Variants in KCNK2 observed in about 807,000 individuals in gnomAD.
KCNK2 encodes potassium channel subfamily K member 2.
In KCNK2, 21 loss-of-function variants were observed where a neutral mutation model predicts 40.5. The ratio of observed to expected loss-of-function variants is 0.52; its 90% CI spans 0.37 to 0.75. The LOEUF is 0.75. KCNK2 is among the 30% of genes least tolerant of loss of function. KCNK2 has a pLI of 0.00. For missense variants in KCNK2, 399 were observed against 531.6 expected, an observed-to-expected ratio of 0.75 and a Z score of 2.45; for synonymous variants, 191 against 202.2, an observed-to-expected ratio of 0.94 and a Z score of 0.47.
chr1:215,235,146 C>T lies in KCNK2; in HGVS notation c.*1C>T. The T allele has an allele frequency of 6.3e-7, 1 of 1,591,106 alleles. No individual in the cohort carries two copies. Among genetic ancestry groups the T allele is most frequent in the Non-Finnish European group, 8.6e-7 (1 of 1,162,300 alleles). On this transcript the variant is annotated 3_prime_UTR_variant, in exon 7 of 7. Transcript: ENST00000444842. The stretch of plus-strand genomic sequence containing the variant: ...TGCTGTGATTGAGAACATCAAATAG[C>T]CCTCTCTTTAAATAACCTTAGGCAT...
At chr1:215,046,160 G>A (rs1657760436) in intron 1 of KCNK2, among the ~76,000 whole-genome samples, 1 of 152,082 alleles carries the variant, frequency 6.6e-6, no homozygotes, top group African/African-American at 2.4e-5. Context: ...AGGCCTAATG[G>A]AATTGTCCTC....
At chr1:215,171,539 T>C (rs965928399) in intron 4 of KCNK2, among the ~76,000 whole-genome samples, 5 of 152,284 alleles carry the variant, frequency 3.3e-5, no homozygotes, top group Admixed American at 2.6e-4. Flanking sequence ...AAATACTTAA[T>C]TCTTGTTTCA....
chr1:215,059,331 C>T (rs1658288721), intron 1 of KCNK2, among the ~76,000 whole-genome samples: 1 of 152,014 alleles, frequency 6.6e-6, no homozygotes, highest in Non-Finnish European at 1.5e-5. Context: ...AATGATTTAA[C>T]CTCTGAACAC....
At chr1:215,190,853 G>A (rs1664636892) in intron 5 of KCNK2, among the ~76,000 whole-genome samples, 1 of 152,162 alleles carries the variant, frequency 6.6e-6, no homozygotes, top group South Asian at 2.1e-4. Context: ...GTTCATGGAG[G>A]TAATCAGTAA....
At chr1:215,052,608 A>G (rs1438071124) in intron 1 of KCNK2, among the ~76,000 whole-genome samples, 1 of 152,202 alleles carries the variant, frequency 6.6e-6, no homozygotes, top group Non-Finnish European at 1.5e-5. Context: ...TAGCATACAG[A>G]GGCCAGAGAT....
chr1:215,140,616 A>G (rs1429112454), intron 3 of KCNK2, among the ~76,000 whole-genome samples: 17 of 152,172 alleles, frequency 1.1e-4, no homozygotes, highest in Admixed American at 1.1e-3. Context: ...GATGCACAAA[A>G]TAAATGGTAT....
intron 2 of KCNK2, among the ~76,000 whole-genome samples, chr1:215,090,315 G>A (rs2102535471): frequency 6.6e-6 from 1 of 152,252 alleles, no homozygotes; most frequent in Non-Finnish European, 1.5e-5. Context: ...GGGCGCTTCA[G>A]TTTCCAAGAG....
chr1:215,122,121 A>G (rs1661214795), intron 2 of KCNK2, among the ~76,000 whole-genome samples: 1 of 152,174 alleles, frequency 6.6e-6, no homozygotes, highest in African/African-American at 2.4e-5. Flanking sequence ...ATAACCTTAT[A>G]GATCTATATG....
intron 6 of KCNK2, among the ~76,000 whole-genome samples, chr1:215,232,922 C>T (rs1452618772): frequency 1.3e-5 from 2 of 152,136 alleles, no homozygotes; most frequent in African/African-American, 4.8e-5. Context: ...ATAATATAAA[C>T]TGTGGGAGGG....
intron 1 of KCNK2, among the ~76,000 whole-genome samples, chr1:215,017,092 A>C (rs1240155722): frequency 1.3e-5 from 2 of 152,142 alleles, no homozygotes; most frequent in Non-Finnish European, 2.9e-5. Flanking sequence ...GAAAAATAAC[A>C]AGTGTTGGTG....
At chr1:215,082,144 T>G (rs1659182436), upstream of KCNK2, 1 of 152,178 alleles carries the variant, frequency 6.6e-6, no homozygotes, top group Non-Finnish European at 1.5e-5. Flanking sequence ...TGGCTCCAGG[T>G]GCGTTCCCCA....
intron 3 of KCNK2, among the ~76,000 whole-genome samples, chr1:215,155,766 G>A (rs985497133): frequency 1.3e-5 from 2 of 152,024 alleles, no homozygotes; most frequent in African/African-American, 2.4e-5. Flanking sequence ...TGATCCACCC[G>A]CCTTGGCCTC....
intron 6 of KCNK2, among the ~76,000 whole-genome samples, chr1:215,229,694 T>C (rs1017295457): frequency 6.6e-6 from 1 of 151,758 alleles, no homozygotes; most frequent in Non-Finnish European, 1.5e-5. Flanking sequence ...AAAAAAAAGA[T>C]TTTGTTTTTA....
chr1:215,223,241 T>TGAAAAAAAAA (rs1666251829), intron 6 of KCNK2, among the ~76,000 whole-genome samples: 1 of 112,054 alleles, frequency 8.9e-6, no homozygotes, highest in Non-Finnish European at 1.8e-5. Flanking sequence ...AGCTCTTTTC[T>TGAAAAAAAAA]AAAAAAAAAA....
At chr1:215,230,511 ATATATATATATATATATATATG>A (rs1371320070) in intron 6 of KCNK2, among the ~76,000 whole-genome samples, 2 of 23,804 alleles carry the variant, frequency 8.4e-5, no homozygotes, top group South Asian at 3.0e-3. Context: ...ACGGCTGTAT[ATATATATATATATATATATATG>A]TATATATATA....
chr1:215,235,250 G>C lies in KCNK2; in HGVS notation c.*105G>C. ...TTTAAATTGTGCATGAGCTCAAAGG[G>C]GGAACAAAATAGATACACCCATCAT... On this transcript the variant is annotated 3_prime_UTR_variant, in exon 7 of 7. Transcript: ENST00000444842. 1 of 949,046 alleles carries C rather than the reference G, an allele frequency of 1.1e-6. No homozygotes were observed. Among genetic ancestry groups the C allele is most frequent in the Non-Finnish European group, 1.6e-6 (1 of 637,990 alleles). 58.8% of individuals were successfully genotyped at this position (949,046 alleles called of 1,614,324 possible). A position where few individuals can be genotyped will look rare whatever the true frequency, so the allele number is the denominator to read the frequency against.
intron 1 of KCNK2, among the ~76,000 whole-genome samples, chr1:215,024,920 A>G (rs1012759326): frequency 4.0e-5 from 6 of 150,486 alleles, no homozygotes; most frequent in African/African-American, 7.3e-5. Context: ...TCTATAAAAC[A>G]TATGTTCATT....
chr1:215,184,879 A>G (rs1664370092), intron 5 of KCNK2, among the ~76,000 whole-genome samples: 2 of 152,294 alleles, frequency 1.3e-5, no homozygotes, highest in South Asian at 4.1e-4. Flanking sequence ...AGACCAAAAA[A>G]AATACAAAAA....
intron 5 of KCNK2, among the ~76,000 whole-genome samples, chr1:215,181,897 C>T (rs1003372199): frequency 1.4e-4 from 21 of 152,190 alleles, no homozygotes; most frequent in African/African-American, 5.1e-4. Context: ...GGCAGGTTTG[C>T]ATACAGGTCC....
Sources: gnomAD v4.1 joint callset for allele counts (sites outside exome capture counted in the v4.1 genomes callset) on GRCh38, gnomAD v4.1.1 for gene constraint, MANE v1.5 for transcripts, NCBI Gene and HGNC (gene_info 2026-07-23, HGNC 2026-07-21) for gene names.